CDH18: variants seen among roughly 807,000 people sequenced by gnomAD.
The protein encoded by CDH18 is cadherin 18, also known as cadherin-18.
A neutral mutation model predicts 67.9 loss-of-function variants in CDH18; 31 were observed. The observed-to-expected ratio is 0.46, with a 90% CI of 0.34 to 0.62. The LOEUF (loss-of-function observed/expected upper bound fraction) is 0.62. Among genes scored for constraint, CDH18 ranks in the 20% least tolerant of loss-of-function variants. The pLI is 0.01. For synonymous variants in CDH18, 362 were observed against 347.2 expected (o/e 1.04, Z -0.48); for missense variants, 890 against 975.5 (o/e 0.91, Z 1.17).
At chr5:19,615,082 G>T (rs888920568) in intron 5 of CDH18, among the ~76,000 whole-genome samples, 2 of 151,846 alleles carry the variant, frequency 1.3e-5, no homozygotes, top group Non-Finnish European at 2.9e-5. Context: ...AGGAGGTGGA[G>T]GTTGCAGTGA....
At chr5:19,647,235 T>C (rs918890265) in intron 5 of CDH18, among the ~76,000 whole-genome samples, 1 of 151,774 alleles carries the variant, frequency 6.6e-6, no homozygotes, top group Non-Finnish European at 1.5e-5. Context: ...AAGATGCCTA[T>C]TGTAAGGCCG....
At chr5:19,994,905 G>T (rs1735880169) in intron 2 of CDH18, among the ~76,000 whole-genome samples, 2 of 139,304 alleles carry the variant, frequency 1.4e-5, no homozygotes, top group African/African-American at 2.8e-5. Flanking sequence ...TAGAGAAAAA[G>T]CTCATGCAAT....
intron 5 of CDH18, among the ~76,000 whole-genome samples, chr5:19,687,427 G>A (rs1191152239): frequency 1.3e-5 from 2 of 152,140 alleles, no homozygotes; most frequent in African/African-American, 4.8e-5. Flanking sequence ...ACAGTGGCAT[G>A]ACATCAGTTA....
chr5:20,089,544 A>T (rs946770571), intron 2 of CDH18, among the ~76,000 whole-genome samples: 1 of 152,138 alleles, frequency 6.6e-6, no homozygotes, highest in Non-Finnish European at 1.5e-5. Flanking sequence ...ACTTAGATAG[A>T]TTATGACAAT....
At chr5:19,636,461 T>G (rs958628791) in intron 5 of CDH18, among the ~76,000 whole-genome samples, 11 of 152,048 alleles carry the variant, frequency 7.2e-5, no homozygotes, top group Non-Finnish European at 1.3e-4. Flanking sequence ...TATTTTCAAT[T>G]GTTTGTAAAT....
intron 2 of CDH18, among the ~76,000 whole-genome samples, chr5:20,058,941 C>T (rs896044893): frequency 1.3e-5 from 2 of 151,994 alleles, no homozygotes; most frequent in African/African-American, 4.8e-5. Context: ...TGGTCCTGGG[C>T]TTTTTTTGGT....
chr5:19,526,620 CTTTAA>C (rs1305312693), intron 9 of CDH18, among the ~76,000 whole-genome samples: 3 of 151,978 alleles, frequency 2.0e-5, no homozygotes, highest in African/African-American at 7.2e-5. Context: ...TGACTTAAAT[CTTTAA>C]TTTACTTTTA....
chr5:19,945,940 C>G (rs1795241682), intron 2 of CDH18, among the ~76,000 whole-genome samples: 1 of 151,942 alleles, frequency 6.6e-6, no homozygotes, highest in Non-Finnish European at 1.5e-5. Flanking sequence ...GAATATGAAA[C>G]TGAAAAATTA....
At chr5:19,843,786 C>T (rs2150045075) in intron 2 of CDH18, among the ~76,000 whole-genome samples, 1 of 152,310 alleles carries the variant, frequency 6.6e-6, no homozygotes, top group African/African-American at 2.4e-5. Context: ...GGGAGCCCAA[C>T]CTTTGCATCT....
At chr5:20,038,905 T>G (rs13177053) in intron 2 of CDH18, among the ~76,000 whole-genome samples, 4 of 151,964 alleles carry the variant, frequency 2.6e-5, no homozygotes, top group Admixed American at 2.6e-4. Flanking sequence ...AATTAAATTT[T>G]CTCTGTTTGC....
intron 2 of CDH18, among the ~76,000 whole-genome samples, chr5:20,083,126 A>G (rs1744630489): frequency 6.6e-6 from 1 of 152,222 alleles, no homozygotes. Flanking sequence ...AAAGGGTCAT[A>G]GCACACAGTA....
At chr5:19,864,028 G>T (rs930108965) in intron 2 of CDH18, among the ~76,000 whole-genome samples, 2 of 151,154 alleles carry the variant, frequency 1.3e-5, no homozygotes, top group Non-Finnish European at 1.5e-5. Context: ...CCATTACTGG[G>T]TATATACCCA....
chr5:19,812,386 G>T (rs73057659), intron 3 of CDH18, among the ~76,000 whole-genome samples: 5,567 of 152,164 alleles, frequency 0.037, 323 homozygotes, highest in African/African-American at 0.13. Context: ...TATTATGAAA[G>T]TGCATGTAGA....
chr5:20,532,928 G>T (rs10075292), intron 1 of CDH18, among the ~76,000 whole-genome samples: 47,727 of 149,930 alleles, frequency 0.32, 8,976 homozygotes, highest in African/African-American at 0.52. Flanking sequence ...AAACTCCCTC[G>T]TACAGTTTGA....
chr5:19,501,395 G>T (rs1743216794), intron 11 of CDH18, among the ~76,000 whole-genome samples: 2 of 150,180 alleles, frequency 1.3e-5, no homozygotes, highest in South Asian at 4.2e-4. Context: ...CTGAGGTCAG[G>T]AGTTCGAGAT....
chr5:20,156,795 T>TA (rs1751566410), intron 2 of CDH18, among the ~76,000 whole-genome samples: 1 of 152,202 alleles, frequency 6.6e-6, no homozygotes, highest in South Asian at 2.1e-4. Flanking sequence ...ATAGGTGTTA[T>TA]AAAATATGTT....
chr5:20,018,943 C>T (rs1356352350), intron 2 of CDH18, among the ~76,000 whole-genome samples: 18 of 150,256 alleles, frequency 1.2e-4, no homozygotes, highest in Middle Eastern at 3.4e-3. Context: ...TACAGGCGCG[C>T]GCCACCATGC....
chr5:20,083,268 G>A (rs1204126457), intron 2 of CDH18, among the ~76,000 whole-genome samples: 1 of 152,104 alleles, frequency 6.6e-6, no homozygotes, highest in Admixed American at 6.5e-5. Context: ...TAATATGAAA[G>A]TCAAGTGAAC....
intron 1 of CDH18, among the ~76,000 whole-genome samples, chr5:20,299,439 C>T (rs1029654456): frequency 7.0e-6 from 1 of 143,444 alleles, no homozygotes; most frequent in African/African-American, 2.8e-5. Context: ...CACACACACA[C>T]ACACACACAC....
Sources: gnomAD v4.1 joint callset for allele counts (sites outside exome capture counted in the v4.1 genomes callset) on GRCh38, gnomAD v4.1.1 for gene constraint, MANE v1.5 for transcripts, NCBI Gene and HGNC (gene_info 2026-07-23, HGNC 2026-07-21) for gene names.